Variants in ADCY2 observed in about 807,000 individuals in gnomAD.
ADCY2 encodes the protein adenylate cyclase 2.
Under a neutral mutation model 125.2 loss-of-function variants are expected in ADCY2, and 31 were observed. That is an observed-to-expected ratio of 0.25 (90% CI 0.19 to 0.33). The LOEUF (loss-of-function observed/expected upper bound fraction) is 0.33, where lower values mean the gene tolerates loss of function less well. ADCY2 is among the 10% of genes least tolerant of loss of function. ADCY2 has a pLI of 1.00. For synonymous variants in ADCY2, 512 were observed against 548.4 expected (o/e 0.93, Z 0.93); for missense variants, 904 against 1,418.2 (o/e 0.64, Z 5.82).
At chr5:7,576,157 GT>G (rs1200487565) in intron 3 of ADCY2, among the ~76,000 whole-genome samples, 1 of 152,176 alleles carries the variant, frequency 6.6e-6, no homozygotes, top group Admixed American at 6.5e-5. Context: ...AGCCGAAAAT[GT>G]TTTCTTTCTG....
chr5:7,815,466 A>G (rs1047498949), intron 22 of ADCY2, among the ~76,000 whole-genome samples: 1 of 152,166 alleles, frequency 6.6e-6, no homozygotes, highest in Non-Finnish European at 1.5e-5. Context: ...GCTCCACCCC[A>G]CTTTGGTGCA....
chr5:7,720,731 C>A (rs78502691), intron 12 of ADCY2, among the ~76,000 whole-genome samples: 17,345 of 152,032 alleles, frequency 0.11, 1,085 homozygotes, highest in Non-Finnish European at 0.12. Flanking sequence ...TGAACTCATC[C>A]TTTTTTATGG....
intron 15 of ADCY2, among the ~76,000 whole-genome samples, chr5:7,756,306 T>A (rs1742989008): frequency 6.6e-6 from 1 of 152,192 alleles, no homozygotes; most frequent in South Asian, 2.1e-4. Context: ...TGAGACCCCA[T>A]GGTGAATGGG....
intron 2 of ADCY2, among the ~76,000 whole-genome samples, chr5:7,475,314 A>G (rs1377512768): frequency 6.6e-6 from 1 of 151,992 alleles, no homozygotes; most frequent in Non-Finnish European, 1.5e-5. Flanking sequence ...TGGTCTGGAG[A>G]ATGGAGAGGG....
Position 7,629,158 on chromosome 5 carries a change from G to A in ADCY2, c.720+2842G>A, listed in dbSNP as rs150391027. ...AAATAGCATCCAATTTAATGTACAC[G>A]TTAGCAGCTGCGTCAGAGAGAGCTG... On this transcript the variant is annotated intron_variant, in intron 4 of 24. Coordinates refer to ENST00000338316, the MANE Select transcript of ADCY2 (RefSeq NM_020546.3). Among the ~76,000 whole-genome samples, 953 of 152,330 alleles carry A rather than the reference G, an allele frequency of 6.3e-3. 6 individuals carry two copies. The highest frequency in any genetic ancestry group is 0.022 in the African/African-American group (913 of 41,576).
chr5:7,415,157 G>T (rs142824732), intron 2 of ADCY2, among the ~76,000 whole-genome samples: 134 of 152,188 alleles, frequency 8.8e-4, no homozygotes, highest in South Asian at 1.7e-3. Flanking sequence ...TACTCTTTAA[G>T]CAATTTTGAA....
At chr5:7,549,072 A>G (rs899625299) in intron 3 of ADCY2, among the ~76,000 whole-genome samples, 5 of 152,230 alleles carry the variant, frequency 3.3e-5, no homozygotes, top group Admixed American at 1.3e-4. Context: ...CATAACTGCT[A>G]TAGCCTCTGT....
At chr5:7,656,916 C>T (rs142035281) in intron 4 of ADCY2, among the ~76,000 whole-genome samples, 243 of 152,270 alleles carry the variant, frequency 1.6e-3, no homozygotes, top group African/African-American at 5.6e-3. Flanking sequence ...GAAATGCTTC[C>T]GAATCGGAAA....
intron 6 of ADCY2, among the ~76,000 whole-genome samples, chr5:7,697,257 A>G (rs1257543296): frequency 6.6e-6 from 1 of 152,120 alleles, no homozygotes; most frequent in African/African-American, 2.4e-5. Context: ...CATTACCCAT[A>G]ACAGAAGTAC....
intron 4 of ADCY2, among the ~76,000 whole-genome samples, chr5:7,628,686 C>G (rs1033871549): frequency 2.0e-5 from 3 of 152,134 alleles, no homozygotes; most frequent in African/African-American, 7.2e-5. Context: ...CGTTGGAAGT[C>G]CATTTCCAGA....
chr5:7,740,638 G>T (rs1011914832), intron 14 of ADCY2, among the ~76,000 whole-genome samples: 1 of 152,030 alleles, frequency 6.6e-6, no homozygotes, highest in Non-Finnish European at 1.5e-5. Context: ...AAAATCAAAT[G>T]AAATTAGAAA....
intron 22 of ADCY2, among the ~76,000 whole-genome samples, chr5:7,814,544 C>T (rs1194597653): frequency 1.3e-5 from 2 of 152,146 alleles, no homozygotes; most frequent in Non-Finnish European, 2.9e-5. Flanking sequence ...AGAAACCCTG[C>T]GTTACTGCAA....
chr5:7,660,898 G>A (rs1739506354), intron 4 of ADCY2, among the ~76,000 whole-genome samples: 1 of 152,204 alleles, frequency 6.6e-6, no homozygotes, highest in Non-Finnish European at 1.5e-5. Context: ...CAGAAGCAGG[G>A]AAGGGTAGCT....
chr5:7,705,274 T>C (rs1336476215), intron 7 of ADCY2, among the ~76,000 whole-genome samples: 1 of 152,244 alleles, frequency 6.6e-6, no homozygotes, highest in Non-Finnish European at 1.5e-5. Context: ...TTGAACCCTT[T>C]GAGAGGTAAA....
chr5:7,531,167 C>T (rs530443292), intron 3 of ADCY2, among the ~76,000 whole-genome samples: 1 of 152,276 alleles, frequency 6.6e-6, no homozygotes, highest in South Asian at 2.1e-4. Flanking sequence ...GGGAAAAATA[C>T]AAGAGTAGGC....
intron 3 of ADCY2, among the ~76,000 whole-genome samples, chr5:7,587,051 A>G (rs1397875524): frequency 6.6e-6 from 1 of 152,180 alleles, no homozygotes. Flanking sequence ...ACAGGTGAAC[A>G]GTTTGAGGCT....
At chr5:7,528,864 C>T (rs1734555136) in intron 3 of ADCY2, among the ~76,000 whole-genome samples, 1 of 152,168 alleles carries the variant, frequency 6.6e-6, no homozygotes, top group Non-Finnish European at 1.5e-5. Context: ...GTGAAAGATA[C>T]TAATTCTAGG....
intron 4 of ADCY2, among the ~76,000 whole-genome samples, chr5:7,658,431 G>GTGTGTGTGTA (rs59664339): frequency 1.4e-4 from 20 of 143,016 alleles, no homozygotes; most frequent in African/African-American, 4.6e-4. Context: ...GTGTGTGTGT[G>GTGTGTGTGTA]TATATATATA....
chr5:7,695,993 G>A, intron 6 of ADCY2, 130 bp downstream of exon 6: 1 of 583,748 alleles, frequency 1.7e-6, no homozygotes, highest in Non-Finnish European at 2.8e-6. Flanking sequence ...AGAAGTTGTT[G>A]GATTTCTTTG....
Sources: gnomAD v4.1 joint callset for allele counts (sites outside exome capture counted in the v4.1 genomes callset) on GRCh38, gnomAD v4.1.1 for gene constraint, MANE v1.5 for transcripts, NCBI Gene and HGNC (gene_info 2026-07-23, HGNC 2026-07-21) for gene names.